LRP8: variants seen among roughly 807,000 people sequenced by gnomAD.
LRP8 encodes the protein LDL receptor related protein 8, also known as low-density lipoprotein receptor-related protein 8.
A neutral mutation model predicts 111.6 loss-of-function variants in LRP8; 46 were observed. The ratio of observed to expected loss-of-function variants is 0.41; its 90% confidence interval spans 0.33 to 0.53. The LOEUF is 0.53. Among genes scored for constraint, LRP8 ranks in the 20% least tolerant of loss-of-function variants. LRP8 has a pLI of 0.20. For synonymous variants in LRP8, 464 were observed against 511.2 expected (o/e 0.91, Z 1.24); for missense variants, 959 against 1,297.4 (o/e 0.74, Z 4.01).
chr1:53,269,766 T>C (rs1646703547), intron 8 of LRP8, among the ~76,000 whole-genome samples: 1 of 152,200 alleles, frequency 6.6e-6, no homozygotes, highest in Non-Finnish European at 1.5e-5. Flanking sequence ...CCATGCACTA[T>C]ATTTTATGTA....
chr1:53,295,376 C>T (rs1422057520), intron 2 of LRP8, among the ~76,000 whole-genome samples: 5 of 152,168 alleles, frequency 3.3e-5, no homozygotes, highest in Non-Finnish European at 7.4e-5. Flanking sequence ...GGCCAGGGAA[C>T]AATTGACCCT....
intron 2 of LRP8, among the ~76,000 whole-genome samples, chr1:53,296,739 G>A (rs72895356): frequency 0.014 from 2,114 of 152,334 alleles, 43 homozygotes; most frequent in Middle Eastern, 0.075. Context: ...AGTAATGAGA[G>A]GGGGAGGAGA....
chr1:53,303,545 A>C lies in LRP8; in HGVS notation c.245-13856T>G, dbSNP rs1399377459. The stretch of plus-strand genomic sequence containing the variant: ...TCATAAGATAGTCTTCGAATCACAG[A>C]ACAGAATCTCCCTGTCTCAGGATCT... On this transcript the variant is annotated intron_variant, in intron 2 of 18. Transcript: ENST00000306052. This position sits in a 1 kb window ranked among gnomAD's most constrained non-coding sequence, Gnocchi z 4.3. Among the ~76,000 whole-genome samples the C allele has an allele frequency of 6.6e-6, 1 of 152,256 alleles. No individual in the cohort carries two copies. Among genetic ancestry groups the C allele is most frequent in the African/African-American group, 2.4e-5 (1 of 41,470 alleles).
chr1:53,252,679 A>G (rs994209490), intron 16 of LRP8, among the ~76,000 whole-genome samples: 7 of 152,252 alleles, frequency 4.6e-5, no homozygotes, highest in Non-Finnish European at 7.3e-5. Context: ...TGAGGGACGT[A>G]AAAGAAGACT....
chr1:53,323,430 G>A (rs1364796746), intron 2 of LRP8, among the ~76,000 whole-genome samples: 1 of 152,222 alleles, frequency 6.6e-6, no homozygotes. Flanking sequence ...GTAAAGGCCA[G>A]GCCAGAGACC....
intron 2 of LRP8, chr1:53,307,482 ACACT>A (rs1652201201): frequency 6.6e-6 from 1 of 152,270 alleles, no homozygotes; most frequent in Non-Finnish European, 1.5e-5. Context: ...AGACGTGCAG[ACACT>A]CAGGCACATG....
chr1:53,285,139 T>A (rs892385698), intron 3 of LRP8, among the ~76,000 whole-genome samples: 4 of 152,184 alleles, frequency 2.6e-5, no homozygotes, highest in African/African-American at 9.7e-5. Context: ...ATGAAGAAAG[T>A]AAAGCCCAGA....
intron 8 of LRP8, among the ~76,000 whole-genome samples, chr1:53,269,168 C>T (rs1646679406): frequency 6.6e-6 from 1 of 152,228 alleles, no homozygotes; most frequent in Non-Finnish European, 1.5e-5. Flanking sequence ...ACTGTACCAG[C>T]TTCCTTGCTA....
intron 6 of LRP8, 140 bp from the exon 7 acceptor site, chr1:53,271,486 G>A: frequency 1.1e-6 from 1 of 882,130 alleles, no homozygotes; most frequent in Non-Finnish European, 1.7e-6. Flanking sequence ...ACCTCACTGA[G>A]CCTCAGCCTC....
chr1:53,243,834 A>G lies in LRP8; in HGVS notation c.*3184T>C, dbSNP rs1458413323. 1 of 152,220 alleles carries G rather than the reference A, an allele frequency of 6.6e-6. No homozygotes were observed. The highest frequency in any genetic ancestry group is 1.9e-4 in the East Asian group (1 of 5,188). 9.4% of individuals were successfully genotyped at this position (152,220 alleles called of 1,614,324 possible). ...AGACCCCTCTCTCCTTTGAGCCCTA[A>G]CAGTGCTCTGAATAGAATCAATGCC... is the stretch of plus-strand genomic sequence containing the variant. On this transcript the variant is annotated 3_prime_UTR_variant, in exon 19 of 19. Transcript: ENST00000306052.
intron 6 of LRP8, among the ~76,000 whole-genome samples, 200 bp from the exon 7 acceptor site, chr1:53,271,546 A>T (rs1195044004): frequency 6.6e-6 from 1 of 151,666 alleles, no homozygotes; most frequent in Non-Finnish European, 1.5e-5. Context: ...GCAGGTTCCT[A>T]CTCCAGGCCA....
At chr1:53,276,418 C>T (rs1355665641) in intron 5 of LRP8, among the ~76,000 whole-genome samples, 31 of 44,596 alleles carry the variant, frequency 7.0e-4, no homozygotes, top group African/African-American at 2.3e-3. Context: ...TGGAGGGGTT[C>T]GGGGGATGGG....
rs1572404839 is a variant in LRP8, at chr1:53,245,538, A to G, written c.*1480T>C. ...AAGATGTCTATAATGAAGAACATCTATACATATACCCGGAGTTTTTCCTTT... is the reference window on the plus strand; with the variant it reads ...AAGATGTCTATAATGAAGAACATCTGTACATATACCCGGAGTTTTTCCTTT... On this transcript the variant is annotated 3_prime_UTR_variant, in exon 19 of 19. Transcript: ENST00000306052. The G allele has an allele frequency of 6.6e-6, 1 of 152,256 alleles. No individual in the cohort carries two copies. Among genetic ancestry groups the G allele is most frequent in the African/African-American group, 2.4e-5 (1 of 41,468 alleles). The allele number at this position is 152,256 out of a possible 1,614,324, so 9.4% of individuals were successfully genotyped here.
At chr1:53,300,876 A>T (rs1047571590) in intron 2 of LRP8, among the ~76,000 whole-genome samples, 1 of 152,168 alleles carries the variant, frequency 6.6e-6, no homozygotes, top group Middle Eastern at 3.2e-3. Context: ...CTCTGGGGTG[A>T]CATTGGACAT....
rs116450539 is a variant in LRP8, at chr1:53,277,915, T to C, written c.497-837A>G. ...CTGGTACAGAGCTCCCTGTAGTGAG[T>C]GGGTGTGGAGTGGATGGAACTGGTC... On this transcript the variant is annotated intron_variant, in intron 4 of 18. Transcript: ENST00000306052. Among the ~76,000 whole-genome samples the C allele has an allele frequency of 1.1e-3, 165 of 152,188 alleles. 1 individual carries two copies. Among genetic ancestry groups the C allele is most frequent in the African/African-American group, 3.7e-3 (153 of 41,504 alleles).
At chr1:53,320,268 G>A (rs767826983) in intron 2 of LRP8, among the ~76,000 whole-genome samples, 6 of 152,240 alleles carry the variant, frequency 3.9e-5, no homozygotes, top group Non-Finnish European at 7.3e-5. Flanking sequence ...CTTCGGTACT[G>A]CAAAAGGCTT....
At chr1:53,323,457 C>T (rs1388516562) in intron 2 of LRP8, among the ~76,000 whole-genome samples, 1 of 152,236 alleles carries the variant, frequency 6.6e-6, no homozygotes, top group East Asian at 1.9e-4. Context: ...TCTGCCTCTG[C>T]CCCCAGACAC....
intron 14 of LRP8, chr1:53,257,936 C>T (rs1646163913): frequency 4.8e-6 from 1 of 208,736 alleles, no homozygotes; most frequent in Admixed American, 5.2e-5. Flanking sequence ...AATTATATTG[C>T]AAAAGGGCTG....
chr1:53,312,800 C>A (rs1449780014), intron 2 of LRP8, among the ~76,000 whole-genome samples: 5 of 152,164 alleles, frequency 3.3e-5, no homozygotes, highest in African/African-American at 1.2e-4. Flanking sequence ...AGTTTGCTCA[C>A]AACTGAAGGG....
Sources: gnomAD v4.1 joint callset for allele counts (sites outside exome capture counted in the v4.1 genomes callset) on GRCh38, gnomAD v4.1.1 for gene constraint, Gnocchi (gnomAD v3.1) non-coding constraint, MANE v1.5 for transcripts, NCBI Gene and HGNC (gene_info 2026-07-23, HGNC 2026-07-21) for gene names.